The following EVC variants were observed in gnomAD, a reference collection of about 807,000 sequenced individuals.
EVC encodes the protein EvC ciliary complex subunit 1.
A neutral mutation model predicts 118.9 loss-of-function variants in EVC; 116 were observed. The ratio of observed to expected loss-of-function variants is 0.98; its 90% confidence interval spans 0.84 to 1.14. The LOEUF is 1.14. Ranked by LOEUF, EVC falls within the 50% of genes most tolerant of loss-of-function variation. The probability of loss-of-function intolerance (pLI) is 0.00; values close to 1 mark genes in which losing one functional copy is unlikely to be tolerated. For missense variants in EVC, 1,401 were observed against 1,246.4 expected, an observed-to-expected ratio of 1.12 and a Z score of -1.87; for synonymous variants, 619 against 534.7, an observed-to-expected ratio of 1.16 and a Z score of -2.18.
At position 5,731,072 on chromosome 4, in the gene EVC, G is replaced by A. The variant is rs1247048904; in HGVS notation, c.385-353G>A. The stretch of plus-strand genomic sequence containing the variant: ...GGCCAGGGGGTCAGCAGCAAGGAGA[G>A]AACTGGGTCAGGGCAAGCGGTGGCT... On this transcript the variant is annotated intron_variant, in intron 3 of 20. Coordinates refer to ENST00000264956, the MANE Select transcript of EVC (RefSeq NM_153717.3). The surrounding 1 kb of genome is among the most constrained non-coding windows in gnomAD (Gnocchi z 5.6). Among the ~76,000 whole-genome samples, 1 of 152,048 alleles carries A rather than the reference G, an allele frequency of 6.6e-6. No individual in the cohort carries two copies. Among genetic ancestry groups the A allele is most frequent in the African/African-American group, 2.4e-5 (1 of 41,406 alleles).
In EVC at chr4:5,728,824, G is replaced by C. The variant is rs371291980; in HGVS notation, c.301-483G>C. 9.8e-4 allele frequency among the ~76,000 whole-genome samples: 150 copies of C among 152,294 alleles called. 5 individuals are homozygous for C. The South Asian group carries it at 0.027, about 27-fold the overall frequency. Reference sequence around the variant, plus strand: ...TTCTAATTCCTTAGGAGACTCTCTTGTTAATTAGTCTTAAGTTATTCAAAT... The same window carrying C: ...TTCTAATTCCTTAGGAGACTCTCTTCTTAATTAGTCTTAAGTTATTCAAAT... On this transcript the variant is annotated intron_variant, in intron 2 of 20. Transcript: ENST00000264956.
chr4:5,759,979 A>T (rs1381771944), intron 11 of EVC, among the ~76,000 whole-genome samples: 1 of 151,634 alleles, frequency 6.6e-6, no homozygotes, highest in Admixed American at 6.6e-5. Flanking sequence ...AAGCAAAGAC[A>T]GGAAGACTCC....
chr4:5,768,986 T>A (rs114210817), intron 11 of EVC, among the ~76,000 whole-genome samples: 2,354 of 152,202 alleles, frequency 0.015, 73 homozygotes, highest in African/African-American at 0.054. Flanking sequence ...AGAGGCATCA[T>A]TTTACCCCTT....
intron 11 of EVC, among the ~76,000 whole-genome samples, chr4:5,771,725 A>C (rs1733994111): frequency 6.6e-6 from 1 of 152,160 alleles, no homozygotes; most frequent in Non-Finnish European, 1.5e-5. Context: ...GCCGGGAAGC[A>C]GGTGTCCATG....
chr4:5,731,386 C>T lies in EVC; in HGVS notation c.385-39C>T. The T allele has an allele frequency of 1.4e-6, 2 of 1,438,138 alleles. No individual in the cohort carries two copies. The highest frequency in any genetic ancestry group is 2.0e-6 in the Non-Finnish European group (2 of 1,019,754). 89.1% of individuals were successfully genotyped at this position (1,438,138 alleles called of 1,614,324 possible). A position where few individuals can be genotyped will look rare whatever the true frequency, so the allele number is the denominator to read the frequency against. On this transcript the variant is annotated intron_variant, in intron 3 of 20. Transcript: ENST00000264956. The surrounding 1 kb of genome is among the most constrained non-coding windows in gnomAD (Gnocchi z 5.6). Reference sequence around the variant, plus strand: ...TGAATACTAGATCAAATCCCAGAGGCATCACATGGACTGAGTGTGACTCCT... The same window carrying T: ...TGAATACTAGATCAAATCCCAGAGGTATCACATGGACTGAGTGTGACTCCT...
At position 5,725,376 on chromosome 4, in the gene EVC, C is replaced by A. The variant is rs575682505; in HGVS notation, c.301-3931C>A. ...GTTTTCCTTTTTCTCCACAGCCTCA[C>A]CAGCATCTGTTGTTTCTTGACTTTT... On this transcript the variant is annotated intron_variant, in intron 2 of 20. Transcript: ENST00000264956. Among the ~76,000 whole-genome samples the A allele has an allele frequency of 3.3e-5, 5 of 152,318 alleles. No individual in the cohort carries two copies. In the East Asian group the frequency reaches 9.6e-4, roughly 29 times the overall value.
intron 2 of EVC, among the ~76,000 whole-genome samples, chr4:5,724,426 C>T (rs140213078): frequency 6.6e-6 from 1 of 152,334 alleles, no homozygotes; most frequent in Non-Finnish European, 1.5e-5. Flanking sequence ...TCTCCACGAA[C>T]CCCCACTTCC....
Position 5,748,302 on chromosome 4 carries a change from C to A in EVC, c.1094C>A (p.Ala365Asp), listed in dbSNP as rs771462565. 1.4e-5 allele frequency: 22 copies of A among 1,613,954 alleles called. No individual in the cohort carries two copies. Among genetic ancestry groups the A allele is most frequent in the Middle Eastern group, 3.3e-4 (2 of 6,084 alleles). ...GLLCDSQELQ[A>D]LDALERTMGR... ...TTGTGCGATTCTCAGGAGCTGCAGG[C>A]TCTGGTAATGCTGGAGGGGGCGGGA... is the stretch of plus-strand genomic sequence containing the variant. The change falls in exon 8 of 21, where the codon GCT (alanine) becomes GAT (aspartate). Residue 365 changes from alanine to aspartate, a missense_variant. Coordinates refer to ENST00000264956, the MANE Select transcript of EVC (RefSeq NM_153717.3).
At chr4:5,723,979 G>A (rs1402395711) in intron 2 of EVC, among the ~76,000 whole-genome samples, 2 of 152,172 alleles carry the variant, frequency 1.3e-5, no homozygotes, top group East Asian at 1.9e-4. Context: ...TCAGAGGGAG[G>A]CCAGGAAGGA....
At chr4:5,782,200 A>T (rs1458121575) in intron 11 of EVC, among the ~76,000 whole-genome samples, 2 of 149,422 alleles carry the variant, frequency 1.3e-5, no homozygotes, top group Non-Finnish European at 3.0e-5. Context: ...CAGCCTCCCA[A>T]GTAGCTGGGA....
chr4:5,818,868 G>A (rs953195460), downstream of EVC, among the ~76,000 whole-genome samples: 1 of 152,320 alleles, frequency 6.6e-6, no homozygotes, highest in African/African-American at 2.4e-5. Flanking sequence ...GACTAAGACA[G>A]AAAATCGGTA....
At chr4:5,758,334 T>C (rs1053899103) in intron 11 of EVC, 5 of 543,826 alleles carry the variant, frequency 9.2e-6, no homozygotes, top group Admixed American at 6.6e-5. Flanking sequence ...CGCTTTGTCA[T>C]GGCAGCCACA....
rs1193439568 is a variant in EVC, at chr4:5,754,842, A to G, written c.1464+909A>G. ...CCAAGGAAGGGGCAGCCCCAGCCTC[A>G]CTGTTTGCCTGGGTCCGCCTGCCCT... On this transcript the variant is annotated intron_variant, in intron 10 of 20. Coordinates refer to ENST00000264956, the MANE Select transcript of EVC (RefSeq NM_153717.3). The surrounding 1 kb of genome is among the most constrained non-coding windows in gnomAD (Gnocchi z 5.8). 6.6e-6 allele frequency among the ~76,000 whole-genome samples: 1 copy of G among 152,080 alleles called. No homozygotes were observed. The highest frequency in any genetic ancestry group is 1.5e-5 in the Non-Finnish European group (1 of 68,008).
At chr4:5,732,254 TGGCGGGTTCACACACCA>T (rs139614035) in intron 4 of EVC, among the ~76,000 whole-genome samples, 20,132 of 152,120 alleles carry the variant, frequency 0.13, 1,722 homozygotes, top group East Asian at 0.31. Context: ...AAGCTCAGTC[TGGCGGGTTCACACACCA>T]GGCCTCAGGC....
chr4:5,722,140 T>A (rs1725060002), intron 2 of EVC, among the ~76,000 whole-genome samples: 1 of 152,194 alleles, frequency 6.6e-6, no homozygotes, highest in South Asian at 2.1e-4. Flanking sequence ...CTCAAGTTTC[T>A]CATTTTAAAT....
chr4:5,792,634 T>A (rs763103804), intron 12 of EVC, among the ~76,000 whole-genome samples: 18 of 152,184 alleles, frequency 1.2e-4, no homozygotes, highest in Non-Finnish European at 2.5e-4. Context: ...TACATCGAAT[T>A]TTATGCACCA....
Position 5,737,742 on chromosome 4 carries a change from C to T in EVC, c.703-3974C>T, listed in dbSNP as rs539677407. Among the ~76,000 whole-genome samples, 1 of 152,238 alleles carries T rather than the reference C, an allele frequency of 6.6e-6. No homozygotes were observed. The highest frequency in any genetic ancestry group is 1.9e-4 in the East Asian group (1 of 5,178). On this transcript the variant is annotated intron_variant, in intron 5 of 20. Coordinates refer to ENST00000264956, the MANE Select transcript of EVC (RefSeq NM_153717.3). This position sits in a 1 kb window ranked among gnomAD's most constrained non-coding sequence, Gnocchi z 5.0. ...ACTGCCCAGAAAATAAACTTCTTTT[C>T]AAAATGTTACTGGTCATTTTCAAAA...
chr4:5,756,468 C>G lies in EVC; in HGVS notation c.1563+106C>G. The G allele has an allele frequency of 1.1e-6, 1 of 905,638 alleles. No homozygotes were observed. Among genetic ancestry groups the G allele is most frequent in the Non-Finnish European group, 1.8e-6 (1 of 567,442 alleles). 56.1% of individuals were successfully genotyped at this position (905,638 alleles called of 1,614,324 possible). On this transcript the variant is annotated intron_variant, in intron 11 of 20. Coordinates refer to ENST00000264956, the MANE Select transcript of EVC (RefSeq NM_153717.3). This position sits in a 1 kb window ranked among gnomAD's most constrained non-coding sequence, Gnocchi z 4.2. ...ACCCCAGAGGTGGTTCAGGTCCAAC[C>G]CCGCACTCATTGGCCGGTGATCCAC...
chr4:5,761,788 G>A (rs1429490565), intron 11 of EVC, among the ~76,000 whole-genome samples: 1 of 151,752 alleles, frequency 6.6e-6, no homozygotes. Flanking sequence ...GGTACAATGA[G>A]TTGTGTTCCA....
Sources: gnomAD v4.1 joint callset for allele counts (sites outside exome capture counted in the v4.1 genomes callset) on GRCh38, gnomAD v4.1.1 for gene constraint, Gnocchi (gnomAD v3.1) non-coding constraint, MANE v1.5 for transcripts, NCBI Gene and HGNC (gene_info 2026-07-23, HGNC 2026-07-21) for gene names.